Variants in NRXN3 observed in about 807,000 individuals in gnomAD.
NRXN3 encodes neurexin III.
In NRXN3, 32 loss-of-function variants were observed where a neutral mutation model predicts 137.6. The observed-to-expected ratio is 0.23, with a 90% CI of 0.18 to 0.31. The LOEUF is 0.31. NRXN3 is among the 10% of genes least tolerant of loss of function. The pLI is 1.00. For missense variants in NRXN3, 1,574 were observed against 2,062.5 expected (o/e 0.76, Z 4.59); for synonymous variants, 798 against 784.5 (o/e 1.02, Z -0.29).
At chr14:78,331,602 A>G (rs1013456705) in intron 4 of NRXN3, among the ~76,000 whole-genome samples, 4 of 152,226 alleles carry the variant, frequency 2.6e-5, no homozygotes, top group African/African-American at 9.6e-5. Flanking sequence ...ATAGTTGAAT[A>G]TAATCCAGAA....
At chr14:79,125,728 A>T (rs2056300907) in intron 15 of NRXN3, among the ~76,000 whole-genome samples, 2 of 152,120 alleles carry the variant, frequency 1.3e-5, no homozygotes, top group African/African-American at 2.4e-5. Context: ...GCCCAGTAAC[A>T]TCTTGTGCTG....
intron 10 of NRXN3, among the ~76,000 whole-genome samples, chr14:78,880,486 G>A (rs1485774033): frequency 6.6e-6 from 1 of 151,978 alleles, no homozygotes; most frequent in Non-Finnish European, 1.5e-5. Context: ...ACTGCAACCC[G>A]AGGCCTGGCA....
intron 15 of NRXN3, among the ~76,000 whole-genome samples, chr14:79,155,699 T>TA (rs1214051187): frequency 6.6e-6 from 1 of 151,584 alleles, no homozygotes; most frequent in East Asian, 1.9e-4. Context: ...AGTCCTCATT[T>TA]AAAAAAAATA....
At chr14:78,402,128 G>A (rs897374754) in intron 4 of NRXN3, among the ~76,000 whole-genome samples, 2 of 152,160 alleles carry the variant, frequency 1.3e-5, no homozygotes, top group African/African-American at 4.8e-5. Context: ...GGATCTATGT[G>A]TGTTCTTCTG....
At chr14:78,382,305 AAGAG>A (rs1361271034) in intron 4 of NRXN3, among the ~76,000 whole-genome samples, 1 of 152,182 alleles carries the variant, frequency 6.6e-6, no homozygotes, top group Non-Finnish European at 1.5e-5. Flanking sequence ...GATGAGGTGG[AAGAG>A]AGGATTTGTG....
chr14:79,046,949 A>T lies in NRXN3; in HGVS notation c.3262+58808A>T, dbSNP rs1259570510. ...TGAGCTCTAGCTCAGCGACTTCTTT[A>T]CTGTGTGAACATTGATATGTTTACT... On this transcript the variant is annotated intron_variant, in intron 15 of 20. Transcript: ENST00000335750. 2.6e-5 allele frequency among the ~76,000 whole-genome samples: 4 copies of T among 152,282 alleles called. No homozygotes were observed. In the East Asian group the frequency reaches 7.7e-4, roughly 29 times the overall value.
intron 15 of NRXN3, among the ~76,000 whole-genome samples, chr14:79,399,024 A>AAC (rs2095110659): frequency 6.6e-6 from 1 of 151,102 alleles, no homozygotes; most frequent in Admixed American, 6.6e-5. Flanking sequence ...AAAAAAAAAA[A>AAC]AAAGAAGAAG....
In NRXN3 at chr14:78,243,457, G is replaced by C. The variant is rs532185156; in HGVS notation, c.364G>C (p.Val122Leu). 160 of 1,580,452 alleles carry C rather than the reference G, an allele frequency of 1.0e-4. 1 individual carries two copies. In the East Asian group the frequency reaches 3.6e-3, roughly 36 times the overall value. Residue 122 changes from valine (V) to leucine (L), a missense_variant, in exon 2 of 21, where the codon GTG becomes CTG. By Grantham distance (32) the Val-to-Leu change is conservative. Coordinates refer to ENST00000335750, the MANE Select transcript of NRXN3 (RefSeq NM_001330195.2). This position sits in a 1 kb window ranked among gnomAD's most constrained non-coding sequence, Gnocchi z 4.2. Reference protein sequence around the residue: ...LMVSRDRLRTVLMLDGEGQSG... With the variant: ...LMVSRDRLRTLLMLDGEGQSG... ...GGTGAGCCGTGACCGCCTGCGCACG[G>C]TGCTGATGCTTGATGGCGAGGGCCA... is the stretch of plus-strand genomic sequence containing the variant.
intron 19 of NRXN3, among the ~76,000 whole-genome samples, chr14:79,744,342 T>C (rs1345791056): frequency 6.6e-6 from 1 of 152,182 alleles, no homozygotes; most frequent in African/African-American, 2.4e-5. Context: ...ACAATATAAA[T>C]AAAGCTGAAA....
chr14:78,341,096 T>A (rs897977949), intron 4 of NRXN3, among the ~76,000 whole-genome samples: 1 of 152,186 alleles, frequency 6.6e-6, no homozygotes, highest in Non-Finnish European at 1.5e-5. Context: ...GAGATTCACA[T>A]TTAACTGGAC....
chr14:78,679,462 A>G (rs1054268691), intron 6 of NRXN3, among the ~76,000 whole-genome samples: 2 of 152,224 alleles, frequency 1.3e-5, no homozygotes, highest in African/African-American at 4.8e-5. Context: ...TATTCAGCTT[A>G]GCCTGAAAGC....
At chr14:78,208,459 T>C (rs1347451502) in intron 1 of NRXN3, among the ~76,000 whole-genome samples, 1 of 152,168 alleles carries the variant, frequency 6.6e-6, no homozygotes, top group Non-Finnish European at 1.5e-5. Context: ...CCACCTCTCC[T>C]CCCCCTTATA....
At chr14:79,277,886 G>A (rs890005676) in intron 15 of NRXN3, among the ~76,000 whole-genome samples, 2 of 152,192 alleles carry the variant, frequency 1.3e-5, no homozygotes, top group African/African-American at 4.8e-5. Context: ...GCAGCTTGAA[G>A]CTTTTGGAGG....
At chr14:78,785,371 C>G (rs986469649) in intron 8 of NRXN3, among the ~76,000 whole-genome samples, 4 of 152,138 alleles carry the variant, frequency 2.6e-5, no homozygotes. Flanking sequence ...TATGTACCCT[C>G]TACTTTCTAT....
At chr14:78,837,000 T>G (rs1025944114) in intron 10 of NRXN3, among the ~76,000 whole-genome samples, 3 of 152,128 alleles carry the variant, frequency 2.0e-5, no homozygotes, top group African/African-American at 7.2e-5. Context: ...GTGAAGGCAG[T>G]GTTCAAGTTC....
chr14:78,780,813 G>T (rs551819121), intron 8 of NRXN3, among the ~76,000 whole-genome samples: 2 of 152,150 alleles, frequency 1.3e-5, no homozygotes, highest in Non-Finnish European at 2.9e-5. Flanking sequence ...ATTAAGTGTT[G>T]GCAGGGAGGA....
At chr14:78,903,314 A>C (rs1159826879) in intron 10 of NRXN3, among the ~76,000 whole-genome samples, 1 of 151,368 alleles carries the variant, frequency 6.6e-6, no homozygotes, top group East Asian at 2.0e-4. Flanking sequence ...ACAGCTGGTT[A>C]TTTTCTTTGT....
chr14:78,504,551 G>C (rs981090220), intron 4 of NRXN3, among the ~76,000 whole-genome samples: 2 of 152,032 alleles, frequency 1.3e-5, no homozygotes, highest in African/African-American at 4.8e-5. Context: ...ATGGGGAAGG[G>C]GCCTCAGGAA....
intron 4 of NRXN3, among the ~76,000 whole-genome samples, chr14:78,609,270 A>G (rs1477533313): frequency 6.6e-6 from 1 of 151,878 alleles, no homozygotes; most frequent in African/African-American, 2.4e-5. Flanking sequence ...AGATAGGCAG[A>G]TATCATGAGA....
Sources: allele counts gnomAD v4.1 joint callset (sites outside exome capture counted in the v4.1 genomes callset), GRCh38; gene constraint gnomAD v4.1.1; non-coding constraint Gnocchi (gnomAD v3.1); transcripts MANE v1.5; gene names NCBI Gene and HGNC (gene_info 2026-07-23, HGNC 2026-07-21).